BTRC: variants seen among roughly 807,000 people sequenced by gnomAD.
BTRC encodes the protein beta-transducin repeat containing E3 ubiquitin protein ligase.
A neutral mutation model predicts 85.5 loss-of-function variants in BTRC; 42 were observed. The ratio of observed to expected loss-of-function variants is 0.49; its 90% CI spans 0.38 to 0.64. The LOEUF (loss-of-function observed/expected upper bound fraction) is 0.64, where lower values mean the gene tolerates loss of function less well. Ranked by LOEUF, BTRC falls within the 30% of genes least tolerant of loss-of-function variation. The probability of loss-of-function intolerance (pLI) is 0.00; values close to 1 mark genes in which losing one functional copy is unlikely to be tolerated. For missense variants in BTRC, 594 were observed against 743.5 expected (o/e 0.80, Z 2.34); for synonymous variants, 255 against 263.3 (o/e 0.97, Z 0.30).
rs2062697865 is a variant in BTRC at position 101,554,307 on chromosome 10, T to C, written c.*1184T>C. On this transcript the variant is annotated 3_prime_UTR_variant, in exon 15 of 15. Transcript: ENST00000370187. ...TGCATTCTGCGTAATGGTTTCCATC[T>C]CCGATTTCCTCATCAGGGCCTGTGA... 6.6e-6 allele frequency: 1 copy of C among 152,248 alleles called. No individual in the cohort carries two copies. The highest frequency in any genetic ancestry group is 2.1e-4 in the South Asian group (1 of 4,830). The allele number at this position is 152,248 out of a possible 1,614,324, so 9.4% of individuals were successfully genotyped here.
At chr10:101,411,246 G>A (rs1174037690) in intron 1 of BTRC, among the ~76,000 whole-genome samples, 6 of 151,760 alleles carry the variant, frequency 4.0e-5, no homozygotes, top group African/African-American at 9.7e-5. Flanking sequence ...TACCTGCCTC[G>A]GCCTCCCAAA....
intron 1 of BTRC, among the ~76,000 whole-genome samples, chr10:101,389,908 A>C (rs773191257): frequency 9.9e-5 from 15 of 152,080 alleles, no homozygotes; most frequent in Admixed American, 6.6e-5. Context: ...TATAGGTATG[A>C]GCTAAATTTG....
At chr10:101,427,297 T>G (rs796366126) in intron 1 of BTRC, among the ~76,000 whole-genome samples, 1 of 151,736 alleles carries the variant, frequency 6.6e-6, no homozygotes, top group African/African-American at 2.4e-5. Context: ...TTTGTATTTT[T>G]AGTAGAGATG....
chr10:101,425,096 C>T (rs1321873172), intron 1 of BTRC, among the ~76,000 whole-genome samples: 1 of 152,122 alleles, frequency 6.6e-6, no homozygotes, highest in Non-Finnish European at 1.5e-5. Flanking sequence ...ATAATGGCTT[C>T]TAGCTGCATC....
intron 1 of BTRC, among the ~76,000 whole-genome samples, chr10:101,419,848 CA>C (rs1475253675): frequency 6.6e-6 from 1 of 152,162 alleles, no homozygotes; most frequent in African/African-American, 2.4e-5. Context: ...ATTATTTTGA[CA>C]TGTCTCTGTC....
chr10:101,409,076 C>A (rs183371324), intron 1 of BTRC, among the ~76,000 whole-genome samples: 11 of 152,014 alleles, frequency 7.2e-5, no homozygotes, highest in South Asian at 6.2e-4. Context: ...ACAAAAAAAG[C>A]CACACAAAAC....
intron 1 of BTRC, among the ~76,000 whole-genome samples, chr10:101,391,879 T>C (rs1342973974): frequency 1.3e-5 from 2 of 152,236 alleles, no homozygotes; most frequent in Non-Finnish European, 2.9e-5. Context: ...TTTATTCACA[T>C]ATGGTTAGTT....
intron 1 of BTRC, among the ~76,000 whole-genome samples, chr10:101,367,894 A>G (rs1010929504): frequency 6.6e-6 from 1 of 152,220 alleles, no homozygotes; most frequent in Non-Finnish European, 1.5e-5. Context: ...AAATTGTGCT[A>G]TTATAAATAA....
intron 3 of BTRC, among the ~76,000 whole-genome samples, chr10:101,476,526 C>T (rs1250144901): frequency 6.6e-6 from 1 of 152,024 alleles, no homozygotes; most frequent in Non-Finnish European, 1.5e-5. Context: ...GGCTGGAGTG[C>T]AATGGCATAA....
At position 101,425,049 on chromosome 10, in the gene BTRC, G is replaced by A. The variant is rs77238442; in HGVS notation, c.49-5296G>A. Among the ~76,000 whole-genome samples the A allele has an allele frequency of 1.2e-4, 18 of 152,214 alleles. No individual in the cohort carries two copies. In the East Asian group the frequency reaches 3.5e-3, roughly 29 times the overall value. Reference sequence around the variant, plus strand: ...TCCTATGTATAAGTGAGAAAATGTGGCATTTGGTTTTCTGTTTCTGCATTA... The same window carrying A: ...TCCTATGTATAAGTGAGAAAATGTGACATTTGGTTTTCTGTTTCTGCATTA... On this transcript the variant is annotated intron_variant, in intron 1 of 14. Coordinates refer to ENST00000370187, the MANE Select transcript of BTRC (RefSeq NM_033637.4).
chr10:101,512,454 A>G (rs113156121), intron 4 of BTRC, among the ~76,000 whole-genome samples: 9 of 152,330 alleles, frequency 5.9e-5, no homozygotes, highest in African/African-American at 1.9e-4. Flanking sequence ...GTCTTTCTCT[A>G]CTTACTATAC....
intron 12 of BTRC, among the ~76,000 whole-genome samples, chr10:101,537,454 G>C (rs2062404009): frequency 6.6e-6 from 1 of 152,148 alleles, no homozygotes; most frequent in African/African-American, 2.4e-5. Flanking sequence ...CTTGAACCAG[G>C]GAGGCAGAGG....
At chr10:101,452,741 C>G (rs1325949632) in intron 2 of BTRC, among the ~76,000 whole-genome samples, 1 of 152,100 alleles carries the variant, frequency 6.6e-6, no homozygotes, top group Non-Finnish European at 1.5e-5. Context: ...TCCTTGAAAG[C>G]CTTAACTGGT....
chr10:101,376,469 A>G (rs1471779585), intron 1 of BTRC, among the ~76,000 whole-genome samples: 2 of 152,208 alleles, frequency 1.3e-5, no homozygotes, highest in African/African-American at 4.8e-5. Flanking sequence ...GAAATAGTGA[A>G]CCATGGGAGT....
At chr10:101,521,172 G>T (rs2062098656) in intron 4 of BTRC, among the ~76,000 whole-genome samples, 1 of 152,064 alleles carries the variant, frequency 6.6e-6, no homozygotes, top group African/African-American at 2.4e-5. Context: ...TACTCTGGAG[G>T]CTAAGGTGGG....
chr10:101,436,984 A>G (rs56731439), intron 2 of BTRC, among the ~76,000 whole-genome samples: 1 of 152,220 alleles, frequency 6.6e-6, no homozygotes, highest in East Asian at 1.9e-4. Flanking sequence ...TTGAATATAC[A>G]TTAACATTCA....
chr10:101,474,008 A>C (rs1038208063), intron 3 of BTRC, among the ~76,000 whole-genome samples: 1 of 152,028 alleles, frequency 6.6e-6, no homozygotes, highest in Non-Finnish European at 1.5e-5. Context: ...CATTGTGATC[A>C]TATCTTTTAT....
chr10:101,522,319 C>G (rs1337022959), intron 5 of BTRC, among the ~76,000 whole-genome samples: 1 of 115,652 alleles, frequency 8.6e-6, no homozygotes, highest in Non-Finnish European at 1.6e-5. Flanking sequence ...GGATTACAGG[C>G]GTGAGCCACC....
Position 101,539,515 on chromosome 10 carries a change from GTA to G in BTRC, c.1656+1148_1656+1149del, listed in dbSNP as rs368430964. On this transcript the variant is annotated intron_variant, in intron 13 of 14. Transcript: ENST00000370187. The stretch of plus-strand genomic sequence containing the variant: ...TGAAGTGGCACTACATGTTGCTGAT[GTA>G]TATCAATATTTCATTTCTTTTGAAA... Among the ~76,000 whole-genome samples the G allele has an allele frequency of 9.2e-5, 14 of 152,294 alleles. No homozygotes were observed. In the East Asian group the frequency reaches 1.5e-3, roughly 17 times the overall value.
Sources: allele counts gnomAD v4.1 joint callset (sites outside exome capture counted in the v4.1 genomes callset), GRCh38; gene constraint gnomAD v4.1.1; transcripts MANE v1.5; gene names NCBI Gene and HGNC (gene_info 2026-07-23, HGNC 2026-07-21).